RBFOX1: variants seen among roughly 807,000 people sequenced by gnomAD.
The protein encoded by RBFOX1 is RNA binding fox-1 homolog 1.
A neutral mutation model predicts 57.7 loss-of-function variants in RBFOX1; 8 were observed. That is an observed-to-expected ratio of 0.14 (90% CI 0.08 to 0.25). The LOEUF is 0.25. RBFOX1 is among the 10% of genes least tolerant of loss of function. The pLI, the probability that RBFOX1 is intolerant of heterozygous loss-of-function variation, is 1.00. For missense variants in RBFOX1, 611 were observed against 548.5 expected (o/e 1.11, Z -1.14); for synonymous variants, 326 against 222.4 (o/e 1.47, Z -4.15).
In RBFOX1 at chr16:6,124,775, G is replaced by T. The variant is rs751249638; in HGVS notation, c.-127+104783G>T. 2.0e-5 allele frequency among the ~76,000 whole-genome samples: 3 copies of T among 152,010 alleles called. No individual in the cohort carries two copies. In the East Asian group the frequency reaches 5.8e-4, roughly 29 times the overall value. ...ACTCCTGACCTCAAGTGATCTGCCC[G>T]CCTTGGCCTTCCAAAATGGTAGGAT... is the stretch of plus-strand genomic sequence containing the variant. On this transcript the variant is annotated intron_variant, in intron 1 of 15. Transcript: ENST00000550418.
intron 3 of RBFOX1, among the ~76,000 whole-genome samples, chr16:6,845,931 C>G (rs1016939971): frequency 3.3e-5 from 5 of 152,194 alleles, no homozygotes; most frequent in East Asian, 1.9e-4. Flanking sequence ...AAATCTCAAC[C>G]TGCCATGGAC....
intron 4 of RBFOX1, among the ~76,000 whole-genome samples, chr16:7,505,456 T>C (rs1178545908): frequency 2.0e-5 from 3 of 152,210 alleles, no homozygotes; most frequent in African/African-American, 7.2e-5. Context: ...GTTCTGGATG[T>C]CGCTCATTTT....
In RBFOX1 at chr16:7,404,276, C is replaced by T. The variant is rs557349513; in HGVS notation, c.28-113871C>T. ...CCATGTTAGTCAGGCTGGTCTCTAA[C>T]TCCTGACCTCAGGTGATCTGCCTGC... On this transcript the variant is annotated intron_variant, in intron 4 of 15. Transcript: ENST00000550418. Among the ~76,000 whole-genome samples the T allele has an allele frequency of 4.6e-5, 7 of 152,210 alleles. No homozygotes were observed. The South Asian group carries it at 1.0e-3, about 23-fold the overall frequency.
intron 1 of RBFOX1, among the ~76,000 whole-genome samples, chr16:5,290,963 G>A (rs1428604461): frequency 6.6e-6 from 1 of 152,206 alleles, no homozygotes; most frequent in Non-Finnish European, 1.5e-5. Flanking sequence ...GCTTCGCAAA[G>A]TACTGGGATT....
At chr16:6,562,872 C>CTTTG (rs1319403281) in intron 2 of RBFOX1, among the ~76,000 whole-genome samples, 1 of 49,268 alleles carries the variant, frequency 2.0e-5, no homozygotes, top group South Asian at 6.8e-4. Flanking sequence ...TTCTTTCTTT[C>CTTTG]TTTCTTTCTT....
In RBFOX1 at chr16:7,464,654, C is replaced by A. The variant is rs540360549; in HGVS notation, c.28-53493C>A. Among the ~76,000 whole-genome samples, 34 of 151,690 alleles carry A rather than the reference C, an allele frequency of 2.2e-4. 1 individual carries two copies. The highest frequency in any genetic ancestry group is 1.4e-3 in the Admixed American group (21 of 15,226). On this transcript the variant is annotated intron_variant, in intron 4 of 15. Coordinates refer to ENST00000550418, the MANE Select transcript of RBFOX1 (RefSeq NM_018723.4). The stretch of plus-strand genomic sequence containing the variant: ...TCTCTAGGCTTTTAATTGGATCCCC[C>A]CTCCCCGCCCGAAATACTTCTTGTA...
intron 3 of RBFOX1, among the ~76,000 whole-genome samples, chr16:7,042,862 G>T (rs1597835126): frequency 1.3e-5 from 2 of 152,306 alleles, no homozygotes; most frequent in Admixed American, 6.5e-5. Flanking sequence ...GGAGGTGGAG[G>T]TTTCAGTGAG....
chr16:6,767,947 T>TAATAATAATAATAAGAAGAAGAAG (rs1410744665), intron 3 of RBFOX1, among the ~76,000 whole-genome samples: 38 of 101,044 alleles, frequency 3.8e-4, no homozygotes, highest in African/African-American at 1.4e-3. Flanking sequence ...ATAATAATAA[T>TAATAATAATAATAAGAAGAAGAAG]AAGAAGAAGA....
At chr16:6,544,317 C>G (rs1334282451) in intron 2 of RBFOX1, among the ~76,000 whole-genome samples, 3 of 152,188 alleles carry the variant, frequency 2.0e-5, no homozygotes, top group African/African-American at 7.2e-5. Context: ...TCAAGCATAT[C>G]TAGAGCATAG....
intron 1 of RBFOX1, among the ~76,000 whole-genome samples, chr16:5,368,879 C>T (rs1271447238): frequency 1.3e-5 from 2 of 152,190 alleles, no homozygotes; most frequent in African/African-American, 4.8e-5. Context: ...CAATGCATTC[C>T]ACTTTTTATG....
intron 3 of RBFOX1, among the ~76,000 whole-genome samples, chr16:6,954,155 T>C (rs756836567): frequency 3.9e-5 from 6 of 152,104 alleles, no homozygotes; most frequent in Non-Finnish European, 8.8e-5. Context: ...TTAGATCTAG[T>C]GGTTTTGATT....
At chr16:5,507,083 G>C (rs575213936) in intron 2 of RBFOX1, among the ~76,000 whole-genome samples, 2 of 152,068 alleles carry the variant, frequency 1.3e-5, no homozygotes, top group Non-Finnish European at 2.9e-5. Flanking sequence ...TTGTGTGCAG[G>C]CTCTCTGTGC....
intron 11 of RBFOX1, among the ~76,000 whole-genome samples, chr16:7,631,382 G>C (rs757637068): frequency 6.6e-6 from 1 of 152,180 alleles, no homozygotes; most frequent in Non-Finnish European, 1.5e-5. Flanking sequence ...AGATTTCTCT[G>C]CCTCGGATGG....
At chr16:6,654,457 A>G (rs2098631172) in intron 2 of RBFOX1, 146 bp from the exon 3 acceptor site, 2 of 627,634 alleles carry the variant, frequency 3.2e-6, no homozygotes, top group South Asian at 4.6e-5. Flanking sequence ...AGCACTATAA[A>G]GAGCAATGAC....
chr16:6,129,979 A>G (rs934954250), intron 1 of RBFOX1, among the ~76,000 whole-genome samples: 2 of 152,148 alleles, frequency 1.3e-5, no homozygotes, highest in African/African-American at 4.8e-5. Flanking sequence ...ACACATTTTC[A>G]TCTAAAGGAC....
Position 7,140,191 on chromosome 16 carries a change from T to C in RBFOX1, c.27+88093T>C, listed in dbSNP as rs998970551. On this transcript the variant is annotated intron_variant, in intron 4 of 15. Coordinates refer to ENST00000550418, the MANE Select transcript of RBFOX1 (RefSeq NM_018723.4). Reference sequence around the variant, plus strand: ...CTCTCTCTCTCTCTCTCTCTCTCTCTCTCCCTCCTTCTCCCTCCCAATTTG... The same window carrying C: ...CTCTCTCTCTCTCTCTCTCTCTCTCCCTCCCTCCTTCTCCCTCCCAATTTG... Among the ~76,000 whole-genome samples the C allele has an allele frequency of 1.0e-4, 14 of 136,078 alleles. No individual in the cohort carries two copies. The East Asian group carries it at 1.6e-3, about 16-fold the overall frequency. 89.3% of individuals were successfully genotyped at this position (136,078 alleles called of 152,430 possible).
At chr16:6,414,422 A>T (rs2093562921) in intron 2 of RBFOX1, among the ~76,000 whole-genome samples, 2 of 152,150 alleles carry the variant, frequency 1.3e-5, no homozygotes, top group Admixed American at 1.3e-4. Context: ...CAGGTGTGGG[A>T]ATTAGGCAGT....
At chr16:6,643,937 C>T (rs1314416457) in intron 2 of RBFOX1, among the ~76,000 whole-genome samples, 2 of 152,040 alleles carry the variant, frequency 1.3e-5, no homozygotes, top group African/African-American at 2.4e-5. Flanking sequence ...ACCAGCCTGG[C>T]CAACATGGGG....
intron 6 of RBFOX1, among the ~76,000 whole-genome samples, chr16:7,583,879 G>T (rs1389072613): frequency 6.6e-6 from 1 of 151,948 alleles, no homozygotes; most frequent in South Asian, 2.1e-4. Context: ...CAGGAAAATG[G>T]TCCACTAAAC....
Sources: allele counts gnomAD v4.1 joint callset (sites outside exome capture counted in the v4.1 genomes callset), GRCh38; gene constraint gnomAD v4.1.1; transcripts MANE v1.5; gene names NCBI Gene and HGNC (gene_info 2026-07-23, HGNC 2026-07-21).